The following EPB41L3 variants were observed in gnomAD, a reference collection of about 807,000 sequenced individuals.
The protein encoded by EPB41L3 is erythrocyte membrane protein band 4.1 like 3.
A neutral mutation model predicts 127.1 loss-of-function variants in EPB41L3; 57 were observed. The ratio of observed to expected loss-of-function variants is 0.45; its 90% CI spans 0.36 to 0.56. EPB41L3 has a LOEUF of 0.56. EPB41L3 is among the 20% of genes least tolerant of loss of function. The pLI, the probability that EPB41L3 is intolerant of heterozygous loss-of-function variation, is 0.00. For missense variants in EPB41L3, 1,273 were observed against 1,372.2 expected (o/e 0.93, Z 1.14); for synonymous variants, 572 against 549.5 (o/e 1.04, Z -0.57).
intron 1 of EPB41L3, among the ~76,000 whole-genome samples, chr18:5,501,691 T>G (rs1451469366): frequency 6.6e-6 from 1 of 152,222 alleles, no homozygotes; most frequent in Non-Finnish European, 1.5e-5. Flanking sequence ...TCTGGCATTC[T>G]TGGAGAGTCT....
chr18:5,404,711 C>T (rs1447286088), intron 16 of EPB41L3, among the ~76,000 whole-genome samples: 1 of 152,162 alleles, frequency 6.6e-6, no homozygotes, highest in East Asian at 1.9e-4. Flanking sequence ...AAGTTGTTCC[C>T]TAAACTTTCA....
rs145804896 is a variant in EPB41L3, at chr18:5,484,519, T to TAA, written c.183+4480_183+4481dup. On this transcript the variant is annotated intron_variant, in intron 2 of 22. Transcript: ENST00000341928. ...AGAGCAGAAATAAATGAAATTGAGA[T>TAA]AAAAAAAAAATACAGAAGATCAACA... 4.7e-3 allele frequency among the ~76,000 whole-genome samples: 685 copies of TAA among 146,360 alleles called. 7 individuals are homozygous for TAA. The highest frequency in any genetic ancestry group is 0.016 in the African/African-American group (651 of 40,166).
chr18:5,415,366 G>A (rs1024887850), intron 13 of EPB41L3, among the ~76,000 whole-genome samples: 3 of 152,202 alleles, frequency 2.0e-5, no homozygotes, highest in African/African-American at 7.2e-5. Context: ...ACTTTAGAAA[G>A]CTACCCAGGT....
chr18:5,485,591 A>G (rs1239803981), intron 2 of EPB41L3, among the ~76,000 whole-genome samples: 2 of 152,072 alleles, frequency 1.3e-5, no homozygotes, highest in Non-Finnish European at 1.5e-5. Context: ...ATACCTAGAA[A>G]ACCCTAAAGA....
intron 1 of EPB41L3, among the ~76,000 whole-genome samples, chr18:5,496,947 G>T (rs1054974396): frequency 6.6e-6 from 1 of 152,230 alleles, no homozygotes; most frequent in African/African-American, 2.4e-5. Flanking sequence ...GATAGATGCT[G>T]TTAAATAACC....
At chr18:5,577,776 G>A (rs2094350941) in intron 3 of EPB41L3, 1 of 154,150 alleles carries the variant, frequency 6.5e-6, no homozygotes. Flanking sequence ...TTTCAGTTTA[G>A]TTATGTATAT....
intron 1 of EPB41L3, among the ~76,000 whole-genome samples, chr18:5,516,373 T>C (rs1025240221): frequency 5.9e-5 from 9 of 152,218 alleles, no homozygotes; most frequent in Admixed American, 3.9e-4. Context: ...GAGGATTTCT[T>C]AACCCAGAAA....
At chr18:5,437,627 C>G (rs1207282623) in intron 6 of EPB41L3, among the ~76,000 whole-genome samples, 1 of 152,108 alleles carries the variant, frequency 6.6e-6, no homozygotes. Context: ...AAATTAAACA[C>G]TTAAATTTAT....
chr18:5,529,928 A>ATGTATGTG (rs374864271), intron 1 of EPB41L3, among the ~76,000 whole-genome samples: 34 of 146,884 alleles, frequency 2.3e-4, no homozygotes, highest in African/African-American at 6.9e-4. Flanking sequence ...CAACTCATAT[A>ATGTATGTG]TGTGTGTGTG....
chr18:5,413,850 T>G (rs1017056045), intron 13 of EPB41L3, among the ~76,000 whole-genome samples: 4 of 152,352 alleles, frequency 2.6e-5, no homozygotes, highest in African/African-American at 7.2e-5. Context: ...AGGACAGTTA[T>G]GACTGGGAAG....
chr18:5,416,738 G>A (rs1232342310), intron 12 of EPB41L3, among the ~76,000 whole-genome samples: 4 of 151,996 alleles, frequency 2.6e-5, no homozygotes, highest in Non-Finnish European at 5.9e-5. Flanking sequence ...AAGTAAATCT[G>A]ATAACTTAAC....
In EPB41L3 at chr18:5,424,365, TA is replaced by T. The variant is rs756741578; in HGVS notation, c.1066-7del. The T allele has an allele frequency of 2.1e-4, 333 of 1,553,054 alleles. No individual in the cohort carries two copies. The highest frequency in any genetic ancestry group is 4.9e-4 in the South Asian group (40 of 82,134). ...GTGCTTTCAAATTGTTCAAACTAAA[TA>T]AAAAAAAATACATTGAAGAGTAAAG... On this transcript the variant is annotated splice_region_variant and splice_polypyrimidine_tract_variant and intron_variant, in intron 9 of 22. Transcript: ENST00000341928.
intron 6 of EPB41L3, 106 bp from the exon 7 acceptor site, chr18:5,434,227 C>G: frequency 1.3e-6 from 1 of 787,170 alleles, no homozygotes; most frequent in Middle Eastern, 3.7e-4. Context: ...TGTAGAACAG[C>G]CTCTCTAGGA....
At position 5,394,730 on chromosome 18, in the gene EPB41L3, C is replaced by G. The variant is rs781206421; in HGVS notation, c.3217G>C (p.Val1073Leu). ...QHPDMSVTKV[V>L]VHKETEITPE... is the part of the protein sequence containing the mutation. ...GTGATCTCTGTCTCTTTATGGACCA[C>G]TACTTTGGTCACTGACATGTCAGGG... The change falls in exon 22 of 23, where the codon GTG (valine) becomes CTG (leucine). Residue 1073 changes from valine to leucine, a missense_variant. By Grantham distance (32) the Val-to-Leu change is conservative. This residue lies in a region of EPB41L3 where 765 missense variants were observed against 782.9 expected (regional missense o/e 0.98). Transcript: ENST00000341928. 1 of 1,614,050 alleles carries G rather than the reference C, an allele frequency of 6.2e-7. No homozygotes were observed. The highest frequency in any genetic ancestry group is 2.2e-5 in the East Asian group (1 of 44,886).
chr18:5,564,020 CAAGG>C (rs1256949984), intron 3 of EPB41L3, among the ~76,000 whole-genome samples: 1 of 152,018 alleles, frequency 6.6e-6, no homozygotes, highest in Non-Finnish European at 1.5e-5. Flanking sequence ...GGAAGACCAA[CAAGG>C]AAGTATCGAA....
At chr18:5,447,800 T>C (rs1387070180) in intron 3 of EPB41L3, among the ~76,000 whole-genome samples, 3 of 152,236 alleles carry the variant, frequency 2.0e-5, no homozygotes, top group Non-Finnish European at 4.4e-5. Flanking sequence ...TTCTGGTTCC[T>C]CGCAATTTGA....
At chr18:5,607,373 G>A (rs1038732764) in intron 3 of EPB41L3, among the ~76,000 whole-genome samples, 1 of 152,168 alleles carries the variant, frequency 6.6e-6, no homozygotes, top group Non-Finnish European at 1.5e-5. Context: ...CTTCCACGGC[G>A]AGGCTCTATG....
chr18:5,521,710 A>C (rs1427069710), intron 1 of EPB41L3, among the ~76,000 whole-genome samples: 2 of 152,322 alleles, frequency 1.3e-5, no homozygotes, highest in African/African-American at 2.4e-5. Flanking sequence ...TACCTAACAC[A>C]GATGTTACAG....
intron 1 of EPB41L3, among the ~76,000 whole-genome samples, chr18:5,518,843 C>T (rs928742924): frequency 6.6e-6 from 1 of 152,142 alleles, no homozygotes; most frequent in Non-Finnish European, 1.5e-5. Context: ...CATCCTTTTA[C>T]ATGGACAAGT....
Sources: gnomAD v4.1 joint callset for allele counts (sites outside exome capture counted in the v4.1 genomes callset) on GRCh38, gnomAD v4.1.1 for gene constraint, gnomAD v4.1.1 regional missense constraint, MANE v1.5 for transcripts, NCBI Gene and HGNC (gene_info 2026-07-23, HGNC 2026-07-21) for gene names.